OTOGL: variants seen among roughly 807,000 people sequenced by gnomAD.
The protein encoded by OTOGL is otogelin like.
OTOGL carries 285 observed loss-of-function variants against 318.5 expected under a neutral mutation model. The ratio of observed to expected loss-of-function variants is 0.89; its 90% CI spans 0.81 to 0.99. OTOGL has a LOEUF of 0.99. Among genes scored for constraint, OTOGL ranks in the 50% least tolerant of loss-of-function variants. The pLI, the probability that OTOGL is intolerant of heterozygous loss-of-function variation, is 0.00. For missense variants in OTOGL, 2,899 were observed against 2,845.6 expected (o/e 1.02, Z -0.43); for synonymous variants, 987 against 936.5 (o/e 1.05, Z -0.99).
chr12:80,217,882 A>G (rs1877898527), intron 5 of OTOGL, among the ~76,000 whole-genome samples: 1 of 152,236 alleles, frequency 6.6e-6, no homozygotes, highest in Non-Finnish European at 1.5e-5. Context: ...TGATAACTGC[A>G]TGACCAGGGA....
At chr12:80,234,813 G>A (rs1015648594) in intron 9 of OTOGL, among the ~76,000 whole-genome samples, 9 of 152,108 alleles carry the variant, frequency 5.9e-5, no homozygotes, top group African/African-American at 1.9e-4. Flanking sequence ...GTAGAGAGCA[G>A]GGCTCCAAAA....
intron 1 of OTOGL, among the ~76,000 whole-genome samples, chr12:80,112,755 T>C (rs1054567979): frequency 6.6e-6 from 1 of 150,820 alleles, no homozygotes; most frequent in African/African-American, 2.4e-5. Context: ...GGTATCAGGA[T>C]GATGCTGGCC....
chr12:80,265,273 T>G, intron 20 of OTOGL, 63 bp downstream of exon 20: 2 of 1,426,946 alleles, frequency 1.4e-6, no homozygotes, highest in Non-Finnish European at 1.9e-6. Flanking sequence ...ATGTTTGTAA[T>G]GACTGCTTTT....
chr12:80,264,639 C>T (rs1057095341), intron 19 of OTOGL, among the ~76,000 whole-genome samples: 4 of 152,280 alleles, frequency 2.6e-5, no homozygotes, highest in Middle Eastern at 3.4e-3. Flanking sequence ...TCTGGAACCA[C>T]TTTGTTATAT....
At chr12:80,187,382 A>G (rs1036984990) in intron 1 of OTOGL, among the ~76,000 whole-genome samples, 1 of 152,100 alleles carries the variant, frequency 6.6e-6, no homozygotes, top group African/African-American at 2.4e-5. Context: ...GCCATACCTG[A>G]GCCAGTCCTG....
intron 7 of OTOGL, among the ~76,000 whole-genome samples, chr12:80,228,744 CT>C (rs1390445086): frequency 6.6e-6 from 1 of 151,036 alleles, no homozygotes; most frequent in Non-Finnish European, 1.5e-5. Flanking sequence ...ACTAATTTTC[CT>C]ATTAATTTTT....
intron 11 of OTOGL, among the ~76,000 whole-genome samples, chr12:80,240,242 T>C (rs1428807855): frequency 6.6e-6 from 1 of 152,022 alleles, no homozygotes; most frequent in Non-Finnish European, 1.5e-5. Context: ...GGATATATAC[T>C]CCTTAGTGGA....
intron 25 of OTOGL, 48 bp downstream of exon 25, chr12:80,278,323 A>G (rs773227854): frequency 7.4e-7 from 1 of 1,345,884 alleles, no homozygotes; most frequent in Non-Finnish European, 1.0e-6. Flanking sequence ...GTAATTGTGT[A>G]AATTTCAATC....
chr12:80,375,309 G>C (rs1891118889), intron 57 of OTOGL, among the ~76,000 whole-genome samples: 1 of 152,084 alleles, frequency 6.6e-6, no homozygotes, highest in Non-Finnish European at 1.5e-5. Context: ...TGCTGCCCTG[G>C]TTTCATTTAC....
chr12:80,270,759 T>C, intron 23 of OTOGL, among the ~76,000 whole-genome samples: 1 of 152,148 alleles, frequency 6.6e-6, no homozygotes, highest in East Asian at 1.9e-4. Context: ...TTTAAATACC[T>C]TTCCTAAGAT....
rs1213326936 is a variant in OTOGL at position 80,278,272 on chromosome 12, C to T, written c.2786C>T (p.Thr929Ile). Residue 929 changes from threonine (T) to isoleucine (I), a missense_variant, in exon 25 of 59, where the codon ACC (threonine) becomes ATC (isoleucine). Coordinates refer to ENST00000547103, the MANE Select transcript of OTOGL (RefSeq NM_001378609.3). The part of the protein sequence containing the change: ...SGEVIATPCY[T>I]CVCRRGMFNC... ...GAAGTGATTGCTACACCGTGTTACA[C>T]CTGGTAAGGAGATCCATTTATTTCA... is the stretch of plus-strand genomic sequence containing the variant. 26 of 1,526,542 alleles carry T rather than the reference C, an allele frequency of 1.7e-5. No homozygotes were observed. The highest frequency in any genetic ancestry group is 2.0e-5 in the Non-Finnish European group (23 of 1,126,844). The allele number at this position is 1,526,542 out of a possible 1,614,324, so 94.6% of individuals were successfully genotyped here. A position where few individuals can be genotyped will look rare whatever the true frequency, so the allele number is the denominator to read the frequency against.
chr12:80,110,414 A>G (rs1231669923), intron 1 of OTOGL, among the ~76,000 whole-genome samples: 1 of 151,594 alleles, frequency 6.6e-6, no homozygotes, highest in Non-Finnish European at 1.5e-5. Context: ...GCTCCCCATC[A>G]CCTGAAAGGC....
At chr12:80,123,112 C>T (rs898971714) in intron 1 of OTOGL, among the ~76,000 whole-genome samples, 5 of 151,850 alleles carry the variant, frequency 3.3e-5, no homozygotes, top group African/African-American at 1.2e-4. Flanking sequence ...TATACATGTG[C>T]CATGCTGGTG....
At chr12:80,286,165 T>A (rs1330925710) in intron 26 of OTOGL, among the ~76,000 whole-genome samples, 1 of 152,212 alleles carries the variant, frequency 6.6e-6, no homozygotes, top group African/African-American at 2.4e-5. Context: ...TTTTCTGTGA[T>A]GGATTAGATT....
intron 20 of OTOGL, 30 bp from the exon 21 acceptor site, chr12:80,266,421 C>A: frequency 6.2e-7 from 1 of 1,610,086 alleles, no homozygotes; most frequent in Non-Finnish European, 8.5e-7. Flanking sequence ...CCATGGCAAT[C>A]TTTCTCAAGT....
intron 1 of OTOGL, chr12:80,132,397 C>CT (rs1209819531): frequency 6.6e-6 from 1 of 152,082 alleles, no homozygotes; most frequent in Non-Finnish European, 1.5e-5. Context: ...TACATATAGG[C>CT]TTCATATCTA....
intron 55 of OTOGL, among the ~76,000 whole-genome samples, chr12:80,369,504 A>G (rs374162109): frequency 7.2e-4 from 110 of 152,226 alleles, no homozygotes; most frequent in African/African-American, 2.5e-3. Flanking sequence ...TAAAGTGTCA[A>G]CATCCTGATT....
chr12:80,266,531 G>T lies in OTOGL; in HGVS notation c.2305G>T (p.Glu769Ter). 6.2e-7 allele frequency: 1 copy of T among 1,613,372 alleles called. No homozygotes were observed. The highest frequency in any genetic ancestry group is 8.5e-7 in the Non-Finnish European group (1 of 1,179,626). ...TTCCTGCATTTCTCTCTCTTCCCCGGAGCAGTGCAGTGATGACTGTGCTGA... is the reference window on the plus strand; with the variant it reads ...TTCCTGCATTTCTCTCTCTTCCCCGTAGCAGTGCAGTGATGACTGTGCTGA... ...LHSCISLSSP[E>*]QCSDDCAEGC... The change falls in exon 21 of 59, where the codon GAG (glutamate) becomes TAG (stop). Residue 769 changes from glutamate (E) to a stop codon, truncating the protein, a stop_gained. Transcript: ENST00000547103. LOFTEE classifies it high-confidence loss of function.
In OTOGL at chr12:80,266,558, G is replaced by A. The variant is rs12366931; in HGVS notation, c.2332G>A (p.Gly778Ser). ...GCAGTGCAGTGATGACTGTGCTGAAGGCTGTAATTGTCCGGAAGGCAAATT... is the reference window on the plus strand; with the variant it reads ...GCAGTGCAGTGATGACTGTGCTGAAAGCTGTAATTGTCCGGAAGGCAAATT... Reference protein sequence around the residue: ...PEQCSDDCAEGCNCPEGKFYE... With the variant: ...PEQCSDDCAESCNCPEGKFYE... Residue 778 changes from glycine to serine, a missense_variant, in exon 21 of 59, where the codon GGC becomes AGC. Physicochemically the swap from Gly to Ser is moderately conservative, Grantham distance 56 (BLOSUM62 0). Coordinates refer to ENST00000547103, the MANE Select transcript of OTOGL (RefSeq NM_001378609.3). 3 of 1,613,566 alleles carry A rather than the reference G, an allele frequency of 1.9e-6. No homozygotes were observed. The highest frequency in any genetic ancestry group is 2.5e-6 in the Non-Finnish European group (3 of 1,179,760).
Sources: allele counts gnomAD v4.1 joint callset (sites outside exome capture counted in the v4.1 genomes callset), GRCh38; gene constraint gnomAD v4.1.1; transcripts MANE v1.5; gene names NCBI Gene and HGNC (gene_info 2026-07-23, HGNC 2026-07-21).